The following SUCO variants were observed in gnomAD, a reference collection of about 807,000 sequenced individuals.
The protein encoded by SUCO is SUN domain containing ossification factor, also known as SUN domain-containing ossification factor.
A neutral mutation model predicts 148.1 loss-of-function variants in SUCO; 57 were observed. That is an observed-to-expected ratio of 0.38 (90% CI 0.31 to 0.48). The LOEUF (loss-of-function observed/expected upper bound fraction) is 0.48. Ranked by LOEUF, SUCO falls within the 20% of genes least tolerant of loss-of-function variation. The probability of loss-of-function intolerance (pLI) is 0.96; values close to 1 mark genes in which losing one functional copy is unlikely to be tolerated. For missense variants in SUCO, 1,331 were observed against 1,468.2 expected (o/e 0.91, Z 1.53); for synonymous variants, 470 against 502.7 (o/e 0.93, Z 0.87).
intron 6 of SUCO, among the ~76,000 whole-genome samples, chr1:172,566,213 T>C (rs1027294583): frequency 1.3e-5 from 2 of 152,270 alleles, no homozygotes; most frequent in African/African-American, 4.8e-5. Flanking sequence ...TTTACAGCTC[T>C]GCTTAGTTAC....
At position 172,551,656 on chromosome 1, in the gene SUCO, T is replaced by C. The variant is rs142695292; in HGVS notation, c.177+30T>C. On this transcript the variant is annotated intron_variant, in intron 2 of 23. Transcript: ENST00000263688. ...CTTAAATAAAGTTAACATTATAATTTGTGTGTCAGCTTTCTGAGAGTGTCT... is the reference window on the plus strand; with the variant it reads ...CTTAAATAAAGTTAACATTATAATTCGTGTGTCAGCTTTCTGAGAGTGTCT... 6.5e-4 allele frequency: 901 copies of C among 1,392,706 alleles called. 4 individuals are homozygous for C. The African/African-American group carries it at 0.012, about 19-fold the overall frequency. The allele number at this position is 1,392,706 out of a possible 1,614,324, so 86.3% of individuals were successfully genotyped here.
At chr1:172,561,437 A>C (rs1654145434) in intron 6 of SUCO, among the ~76,000 whole-genome samples, 1 of 152,172 alleles carries the variant, frequency 6.6e-6, no homozygotes, top group Non-Finnish European at 1.5e-5. Flanking sequence ...GTTGATGACG[A>C]ATCTAGCAAC....
chr1:172,581,100 A>AAAAAC (rs971007642), intron 15 of SUCO, among the ~76,000 whole-genome samples: 40 of 152,300 alleles, frequency 2.6e-4, no homozygotes, highest in South Asian at 1.5e-3. Flanking sequence ...ACTCTGTCTC[A>AAAAAC]AAAACAAAAC....
chr1:172,539,185 AG>A (rs1477604746), intron 1 of SUCO, among the ~76,000 whole-genome samples: 1 of 152,234 alleles, frequency 6.6e-6, no homozygotes, highest in Non-Finnish European at 1.5e-5. Flanking sequence ...TTATAATGAA[AG>A]GGAAACTTAT....
At chr1:172,585,761 C>T in intron 16 of SUCO, 97 bp from the exon 17 acceptor site, 1 of 845,202 alleles carries the variant, frequency 1.2e-6, no homozygotes, top group Non-Finnish European at 1.8e-6. Flanking sequence ...ACCTATTTGG[C>T]TTTTTTCTTC....
intron 6 of SUCO, among the ~76,000 whole-genome samples, chr1:172,562,077 AC>A (rs1654197297): frequency 6.6e-6 from 1 of 152,182 alleles, no homozygotes; most frequent in Non-Finnish European, 1.5e-5. Flanking sequence ...CAATAAAAAA[AC>A]AACAGCATAG....
intron 15 of SUCO, among the ~76,000 whole-genome samples, chr1:172,581,918 C>T (rs1655908588): frequency 6.6e-6 from 1 of 152,152 alleles, no homozygotes; most frequent in South Asian, 2.1e-4. Flanking sequence ...TACTTAACTA[C>T]TAAAAAGGGA....
chr1:172,590,091 G>A (rs1656531054), intron 18 of SUCO, among the ~76,000 whole-genome samples, 165 bp downstream of exon 18: 1 of 152,016 alleles, frequency 6.6e-6, no homozygotes, highest in South Asian at 2.1e-4. Flanking sequence ...GCTGATCAGT[G>A]CCTTAATGAA....
At chr1:172,601,960 T>G in intron 20 of SUCO, 104 bp from the exon 21 acceptor site, 1 of 1,198,686 alleles carries the variant, frequency 8.3e-7, no homozygotes. Context: ...TTGAAGCACA[T>G]TAAAAAAATA....
intron 11 of SUCO, chr1:172,576,773 A>T (rs74124245): frequency 0.014 from 5,815 of 403,998 alleles, 303 homozygotes; most frequent in African/African-American, 0.12. Flanking sequence ...TTTATAAAAA[A>T]CCTTCTTTGG....
intron 9 of SUCO, among the ~76,000 whole-genome samples, chr1:172,571,681 C>T (rs1655006976): frequency 8.7e-6 from 1 of 114,440 alleles, no homozygotes; most frequent in Non-Finnish European, 1.8e-5. Flanking sequence ...CGCCCATCGT[C>T]TGAGATGTGG....
intron 19 of SUCO, among the ~76,000 whole-genome samples, chr1:172,591,739 TAC>T (rs1442510783): frequency 1.3e-5 from 2 of 152,104 alleles, no homozygotes; most frequent in Non-Finnish European, 2.9e-5. Context: ...ACAGTAAACA[TAC>T]GTGTGCATGT....
intron 6 of SUCO, among the ~76,000 whole-genome samples, chr1:172,567,709 A>T (rs114804973): frequency 9.2e-4 from 140 of 152,244 alleles, no homozygotes; most frequent in Admixed American, 1.6e-3. Context: ...GACACACATG[A>T]GTGTTTTCAC....
At chr1:172,577,625 T>G in intron 12 of SUCO, 66 bp downstream of exon 12, 2 of 1,589,028 alleles carry the variant, frequency 1.3e-6, no homozygotes, top group Non-Finnish European at 1.7e-6. Flanking sequence ...TTACAAAAAC[T>G]TTACAAGTAT....
chr1:172,532,638 G>C (rs767202016), upstream of SUCO: 5 of 1,614,046 alleles, frequency 3.1e-6, no homozygotes, highest in African/African-American at 1.3e-5. Flanking sequence ...CAGTGCAACA[G>C]TTCCAAAGCT....
chr1:172,610,188 G>C lies in SUCO; in HGVS notation c.3694G>C (p.Asp1232His). Residue 1232 changes from aspartate (D) to histidine (H), a missense_variant, in exon 24 of 24, where the codon GAC (aspartate) becomes CAC (histidine). This residue lies in a region of SUCO where 334 missense variants were observed against 352.3 expected (regional missense o/e 0.95). Transcript: ENST00000263688. ...TKSGSLPSLH[D>H]IIKGNKEITV... ...GTCGGGATCATTGCCGAGCCTGCAT[G>C]ACATAATCAAAGGAAACAAAGAGAT... is the stretch of plus-strand genomic sequence containing the variant. 1 of 1,612,984 alleles carries C rather than the reference G, an allele frequency of 6.2e-7. No individual in the cohort carries two copies. The highest frequency in any genetic ancestry group is 8.5e-7 in the Non-Finnish European group (1 of 1,179,674).
chr1:172,548,370 A>G (rs970794583), intron 1 of SUCO, among the ~76,000 whole-genome samples: 1 of 151,808 alleles, frequency 6.6e-6, no homozygotes, highest in African/African-American at 2.4e-5. Context: ...CAAAGAACCA[A>G]CTTTTGATTT....
chr1:172,594,172 T>C (rs1373348464), intron 19 of SUCO, among the ~76,000 whole-genome samples: 1 of 152,118 alleles, frequency 6.6e-6, no homozygotes, highest in Non-Finnish European at 1.5e-5. Flanking sequence ...TCTTTTCTTC[T>C]TTATTAGTCT....
intron 19 of SUCO, among the ~76,000 whole-genome samples, chr1:172,597,228 C>T (rs1657174251): frequency 6.6e-6 from 1 of 152,270 alleles, no homozygotes; most frequent in Non-Finnish European, 1.5e-5. Context: ...CTCACCCTTG[C>T]ACTTCCCGGG....
Sources: allele counts gnomAD v4.1 joint callset (sites outside exome capture counted in the v4.1 genomes callset), GRCh38; gene constraint gnomAD v4.1.1; regional missense constraint gnomAD v4.1.1; transcripts MANE v1.5; gene names NCBI Gene and HGNC (gene_info 2026-07-23, HGNC 2026-07-21).